Variants in ACSL4 observed in about 807,000 individuals in gnomAD.
The protein encoded by ACSL4 is long-chain-fatty-acid--CoA ligase 4.
In ACSL4, 9 loss-of-function variants were observed where a neutral mutation model predicts 49.1. The ratio of observed to expected loss-of-function variants is 0.18; its 90% CI spans 0.11 to 0.32. ACSL4 has a LOEUF of 0.32. ACSL4 is among the 10% of genes least tolerant of loss of function. The pLI is 1.00. For missense variants in ACSL4, 333 were observed against 493.7 expected (o/e 0.67, Z 3.08); for synonymous variants, 191 against 170.3 (o/e 1.12, Z -0.95).
chrX:109,686,771 C>T (rs753210023), intron 2 of ACSL4, among the ~76,000 whole-genome samples: 9 of 106,798 alleles, frequency 8.4e-5, no homozygotes, highest in African/African-American at 2.2e-4. Flanking sequence ...CACACACACA[C>T]GCATGCACAC....
At chrX:109,712,777 C>T (rs964497844) in intron 1 of ACSL4, among the ~76,000 whole-genome samples, 4 of 111,218 alleles carry the variant, frequency 3.6e-5, no homozygotes, top group Non-Finnish European at 5.7e-5. Context: ...GGGTTTCAGA[C>T]CAGCCTGGGC....
chrX:109,651,913 A>T (rs1169914994), intron 15 of ACSL4, among the ~76,000 whole-genome samples: 2 of 112,146 alleles, frequency 1.8e-5, no homozygotes, highest in African/African-American at 6.5e-5. Flanking sequence ...CATAGGAAGC[A>T]ATGGACTATC....
At position 109,643,255 on chromosome X, in the gene ACSL4, C is replaced by CA. The variant is rs1379176987; in HGVS notation, c.*773dup. The CA allele has an allele frequency of 8.9e-6, 1 of 111,885 alleles. No individual in the cohort carries two copies. Among genetic ancestry groups the CA allele is most frequent in the African/African-American group, 3.2e-5 (1 of 30,780 alleles). The allele number at this position is 111,885 out of a possible 1,213,427, so 9.2% of individuals were successfully genotyped here. On this transcript the variant is annotated 3_prime_UTR_variant, in exon 16 of 16. Coordinates refer to ENST00000672401, the MANE Select transcript of ACSL4 (RefSeq NM_001318510.2). ...CTCAGCTTTTCAGTTTGAATAAACA[C>CA]AGAAAGGCAATTTTCAGCATTTCAA...
chrX:109,705,714 A>C (rs1432555099), intron 1 of ACSL4, among the ~76,000 whole-genome samples: 1 of 110,892 alleles, frequency 9.0e-6, no homozygotes, highest in East Asian at 2.8e-4. Flanking sequence ...AGTTCCTTTG[A>C]GAGGTGGAGT....
intron 15 of ACSL4, among the ~76,000 whole-genome samples, chrX:109,645,426 C>A (rs1192604757): frequency 9.9e-6 from 1 of 100,948 alleles, no homozygotes; most frequent in African/African-American, 3.7e-5. Flanking sequence ...ACACCTCACA[C>A]GGCCGGGTAC....
intron 13 of ACSL4, 43 bp downstream of exon 13, chrX:109,663,168 G>T: frequency 1.0e-5 from 11 of 1,096,138 alleles, no homozygotes; most frequent in Non-Finnish European, 1.4e-5. Context: ...ATATACTGAA[G>T]TTATAAAAAC....
At chrX:109,677,075 T>A (rs1923767507) in intron 8 of ACSL4, among the ~76,000 whole-genome samples, 1 of 110,177 alleles carries the variant, frequency 9.1e-6, no homozygotes, top group African/African-American at 3.3e-5. Flanking sequence ...TTCTCCTGCC[T>A]CAGCCTCCCG....
At chrX:109,730,114 C>T (rs755928538) in intron 1 of ACSL4, among the ~76,000 whole-genome samples, 114 of 111,964 alleles carry the variant, frequency 1.0e-3, no homozygotes, top group African/African-American at 3.5e-3. Flanking sequence ...TTAAAGGTGA[C>T]GAAATCTGAG....
intron 1 of ACSL4, among the ~76,000 whole-genome samples, chrX:109,714,114 C>T (rs759889642): frequency 8.9e-6 from 1 of 112,116 alleles, no homozygotes; most frequent in African/African-American, 3.2e-5. Flanking sequence ...GACAGCGATA[C>T]TGATGATCCT....
At chrX:109,718,841 G>A (rs928812990) in intron 1 of ACSL4, among the ~76,000 whole-genome samples, 13 of 111,005 alleles carry the variant, frequency 1.2e-4, no homozygotes, top group African/African-American at 4.3e-4. Context: ...CTAGATCTCA[G>A]ATTATTGGTT....
At chrX:109,690,326 T>C (rs1361481200) in intron 2 of ACSL4, among the ~76,000 whole-genome samples, 1 of 112,103 alleles carries the variant, frequency 8.9e-6, no homozygotes, top group African/African-American at 3.2e-5. Flanking sequence ...AAATCATGTA[T>C]TTGTATGTCA....
At chrX:109,645,151 C>G (rs1348885931) in intron 15 of ACSL4, among the ~76,000 whole-genome samples, 1 of 112,886 alleles carries the variant, frequency 8.9e-6, no homozygotes, top group African/African-American at 3.2e-5. Flanking sequence ...TGGGAAGCTC[C>G]AACTGGGTGG....
intron 1 of ACSL4, among the ~76,000 whole-genome samples, chrX:109,720,222 C>G (rs1323724901): frequency 4.8e-5 from 5 of 104,581 alleles, no homozygotes; most frequent in South Asian, 4.4e-4. Flanking sequence ...CCCAGCTACT[C>G]GGGAGGCTGA....
At chrX:109,688,437 TG>T (rs1463400886) in intron 2 of ACSL4, among the ~76,000 whole-genome samples, 11 of 112,194 alleles carry the variant, frequency 9.8e-5, no homozygotes, top group Non-Finnish European at 1.9e-5. Flanking sequence ...CATAACCAGC[TG>T]TTATTTCTTT....
chrX:109,694,295 T>G (rs1373747775), intron 2 of ACSL4, among the ~76,000 whole-genome samples: 2 of 112,190 alleles, frequency 1.8e-5, no homozygotes, highest in Admixed American at 9.5e-5. Context: ...AGTTTCAAAT[T>G]TATAACCTAT....
Position 109,641,431 on chromosome X carries a change from A to C in ACSL4, c.*2598T>G, listed in dbSNP as rs1409409806. The C allele has an allele frequency of 3.5e-5, 4 of 113,214 alleles. No individual in the cohort carries two copies. Among genetic ancestry groups the C allele is most frequent in the African/African-American group, 9.6e-5 (3 of 31,130 alleles). The allele number at this position is 113,214 out of a possible 1,213,427, so 9.3% of individuals were successfully genotyped here. On this transcript the variant is annotated 3_prime_UTR_variant, in exon 16 of 16. Coordinates refer to ENST00000672401, the MANE Select transcript of ACSL4 (RefSeq NM_001318510.2). ...CATCAAGAATAAACACAAAATCTAA[A>C]CAATTCTGCAATCATGCATTTTAAC...
At chrX:109,673,879 C>CT (rs367622678) in intron 9 of ACSL4, among the ~76,000 whole-genome samples, 25 of 107,340 alleles carry the variant, frequency 2.3e-4, no homozygotes, top group East Asian at 5.7e-4. Context: ...AATGTAACAT[C>CT]TTTTTTTTTT....
At chrX:109,649,237 A>C (rs1934897119) in intron 15 of ACSL4, among the ~76,000 whole-genome samples, 1 of 111,712 alleles carries the variant, frequency 9.0e-6, no homozygotes, top group African/African-American at 3.3e-5. Context: ...AAGCCAAAAG[A>C]ACAAAGCTGG....
At chrX:109,725,983 C>T (rs906347391) in intron 1 of ACSL4, among the ~76,000 whole-genome samples, 2 of 111,526 alleles carry the variant, frequency 1.8e-5, no homozygotes, top group African/African-American at 6.5e-5. Context: ...CAACCCACCT[C>T]CATCCCTCAC....
Sources: allele counts gnomAD v4.1 joint callset (sites outside exome capture counted in the v4.1 genomes callset), GRCh38; gene constraint gnomAD v4.1.1; transcripts MANE v1.5; gene names NCBI Gene and HGNC (gene_info 2026-07-23, HGNC 2026-07-21).